The following CCDC85C variants were observed in gnomAD, a reference collection of about 807,000 sequenced individuals.
CCDC85C encodes coiled-coil domain containing 85C, also known as coiled-coil domain-containing protein 85C.
In CCDC85C, 18 loss-of-function variants were observed where a neutral mutation model predicts 38.3. That is an observed-to-expected ratio of 0.47 (90% confidence interval 0.33 to 0.70). The LOEUF (loss-of-function observed/expected upper bound fraction) is 0.70. Ranked by LOEUF, CCDC85C falls within the 30% of genes least tolerant of loss-of-function variation. The pLI is 0.03. For missense variants in CCDC85C, 566 were observed against 621.2 expected (o/e 0.91, Z 0.94); for synonymous variants, 264 against 293.8 (o/e 0.90, Z 1.04).
intron 1 of CCDC85C, among the ~76,000 whole-genome samples, chr14:99,575,488 CA>C (rs1898455299): frequency 6.6e-6 from 1 of 152,222 alleles, no homozygotes; most frequent in South Asian, 2.1e-4. Flanking sequence ...AAAACTCTCT[CA>C]AGAGCTCAAA....
At chr14:99,522,494 G>C in intron 2 of CCDC85C, 1 of 343,098 alleles carries the variant, frequency 2.9e-6, no homozygotes, top group Non-Finnish European at 5.4e-6. Context: ...TGAATAAACA[G>C]AATGAATGAA....
chr14:99,532,928 C>T (rs561630939), intron 2 of CCDC85C, among the ~76,000 whole-genome samples: 17 of 152,120 alleles, frequency 1.1e-4, no homozygotes, highest in Admixed American at 7.2e-4. Flanking sequence ...ATTACAGGCA[C>T]GTGCCACCCT....
In CCDC85C at chr14:99,552,759, T is replaced by G. The variant is rs900139273; in HGVS notation, c.794-16671A>C. Reference sequence around the variant, plus strand: ...TTTCACCCAGTAAGTGCAGCTGGAATCATCGCCCTTTGGACCCAAGGTTCT... The same window carrying G: ...TTTCACCCAGTAAGTGCAGCTGGAAGCATCGCCCTTTGGACCCAAGGTTCT... On this transcript the variant is annotated intron_variant, in intron 1 of 5. Transcript: ENST00000380243. Among the ~76,000 whole-genome samples the G allele has an allele frequency of 3.3e-5, 5 of 152,362 alleles. No individual in the cohort carries two copies. In the South Asian group the frequency reaches 1.0e-3, roughly 32 times the overall value.
intron 1 of CCDC85C, among the ~76,000 whole-genome samples, chr14:99,543,321 C>T (rs1048372911): frequency 6.6e-6 from 1 of 152,158 alleles, no homozygotes; most frequent in Non-Finnish European, 1.5e-5. Context: ...CAGAGTAGCC[C>T]AAGGTCACAA....
At position 99,510,211 on chromosome 14, in the gene CCDC85C, T is replaced by A. The variant is rs1196940660; in HGVS notation, c.*5035A>T. The stretch of plus-strand genomic sequence containing the variant: ...GGTGAGGCTGAGCCGCCGGGCCCTG[T>A]GGATGCCACTGACCTCCCCAAAGTC... On this transcript the variant is annotated 3_prime_UTR_variant, in exon 6 of 6. Transcript: ENST00000380243. The A allele has an allele frequency of 6.3e-7, 1 of 1,597,212 alleles. No individual in the cohort carries two copies.
intron 1 of CCDC85C, among the ~76,000 whole-genome samples, chr14:99,538,598 T>C (rs1032714786): frequency 2.6e-5 from 4 of 151,968 alleles, no homozygotes; most frequent in African/African-American, 7.3e-5. Flanking sequence ...CCCACCCGCC[T>C]CCCCCTGCTG....
intron 3 of CCDC85C, among the ~76,000 whole-genome samples, chr14:99,521,122 CTGAA>C (rs948615669): frequency 1.3e-5 from 2 of 152,230 alleles, no homozygotes; most frequent in African/African-American, 4.8e-5. Context: ...CTCCCACGAT[CTGAA>C]TGAATGAGAG....
At chr14:99,551,631 G>A (rs1897911100) in intron 1 of CCDC85C, among the ~76,000 whole-genome samples, 1 of 150,436 alleles carries the variant, frequency 6.6e-6, no homozygotes, top group South Asian at 2.1e-4. Context: ...TGAGTGTGCA[G>A]GTGGGTGAGA....
chr14:99,523,594 G>A (rs937939188), intron 2 of CCDC85C, among the ~76,000 whole-genome samples: 10 of 152,312 alleles, frequency 6.6e-5, no homozygotes, highest in South Asian at 2.1e-4. Context: ...CCCACCAGAC[G>A]CCGGTCAGCC....
In CCDC85C at chr14:99,509,023, A is replaced by C. The variant is rs1897045620; in HGVS notation, c.*6223T>G. The C allele has an allele frequency of 1.3e-5, 2 of 152,298 alleles. No individual in the cohort carries two copies. The highest frequency in any genetic ancestry group is 4.1e-4 in the South Asian group (2 of 4,830). The allele number at this position is 152,298 out of a possible 1,614,324, so 9.4% of individuals were successfully genotyped here. A position where few individuals can be genotyped will look rare whatever the true frequency, so the allele number is the denominator to read the frequency against. ...TACCCGGTAGGCTGGCGGGGTGCTG[A>C]TGTGGCACACCAGTGGCACACCTGT... On this transcript the variant is annotated 3_prime_UTR_variant, in exon 6 of 6. Transcript: ENST00000380243.
At chr14:99,573,014 CGCCACACATA>C (rs1898388238) in intron 1 of CCDC85C, 1 of 360,570 alleles carries the variant, frequency 2.8e-6, no homozygotes, top group African/African-American at 2.1e-5. Context: ...CCGCAGGAGA[CGCCACACATA>C]AAGGCAGAGA....
At position 99,504,954 on chromosome 14, in the gene CCDC85C, G is replaced by GTA. The variant is rs1406425947; in HGVS notation, c.*10290_*10291dup. On this transcript the variant is annotated 3_prime_UTR_variant, in exon 6 of 6. Coordinates refer to ENST00000380243, the MANE Select transcript of CCDC85C (RefSeq NM_001144995.2). ...GGGAGGATGGAGCAATAAGTTGGAA[G>GTA]TACGCAAGTGAGCAAAGGAATTGAG... is the stretch of plus-strand genomic sequence containing the variant. 2.6e-5 allele frequency: 4 copies of GTA among 152,334 alleles called. No individual in the cohort carries two copies. 9.4% of individuals were successfully genotyped at this position (152,334 alleles called of 1,614,324 possible).
chr14:99,547,832 A>G (rs931438520), intron 1 of CCDC85C, among the ~76,000 whole-genome samples: 1 of 151,974 alleles, frequency 6.6e-6, no homozygotes, highest in Non-Finnish European at 1.5e-5. Flanking sequence ...TTATGGGTAT[A>G]TGTGTGTGTG....
At position 99,533,689 on chromosome 14, in the gene CCDC85C, G is replaced by A. The variant is rs1466026060; in HGVS notation, c.867+2326C>T. Among the ~76,000 whole-genome samples, 1 of 152,220 alleles carries A rather than the reference G, an allele frequency of 6.6e-6. No homozygotes were observed. The highest frequency in any genetic ancestry group is 1.5e-5 in the Non-Finnish European group (1 of 68,030). On this transcript the variant is annotated intron_variant, in intron 2 of 5. Transcript: ENST00000380243. The surrounding 1 kb of genome is among the most constrained non-coding windows in gnomAD (Gnocchi z 4.2). ...CCCTGCTGCTACCCCCAGGGAGCTG[G>A]TGGGAGCAGGCCTGGGGAGGAAGAG...
chr14:99,584,529 G>A (rs78556368), intron 1 of CCDC85C, among the ~76,000 whole-genome samples: 10,384 of 152,196 alleles, frequency 0.068, 557 homozygotes, highest in South Asian at 0.15. Flanking sequence ...TTGCTCCCCA[G>A]GCCTGGTGGG....
Position 99,504,082 on chromosome 14 carries a change from C to A in CCDC85C, c.*11164G>T. Reference sequence around the variant, plus strand: ...AGCCCAGCTGCCCTTGCAGGCAAGGCCTCTTTGAAACACACTTGGGTTGAG... The same window carrying A: ...AGCCCAGCTGCCCTTGCAGGCAAGGACTCTTTGAAACACACTTGGGTTGAG... On this transcript the variant is annotated 3_prime_UTR_variant, in exon 6 of 6. Transcript: ENST00000380243. 2.6e-6 allele frequency: 1 copy of A among 386,582 alleles called. No homozygotes were observed. 23.9% of individuals were successfully genotyped at this position (386,582 alleles called of 1,614,324 possible).
intron 1 of CCDC85C, among the ~76,000 whole-genome samples, chr14:99,567,510 G>A (rs1017897754): frequency 5.3e-5 from 8 of 152,160 alleles, no homozygotes; most frequent in Admixed American, 2.6e-4. Flanking sequence ...GCCAAGGTGC[G>A]GCAGATAAAA....
At position 99,511,058 on chromosome 14, in the gene CCDC85C, A is replaced by G. The variant is rs1251486987; in HGVS notation, c.*4188T>C. Reference sequence around the variant, plus strand: ...AGAGTCCTGCACTGGGTTACTTTATACTAGTGAGGACGTTAACCAGCCATA... The same window carrying G: ...AGAGTCCTGCACTGGGTTACTTTATGCTAGTGAGGACGTTAACCAGCCATA... On this transcript the variant is annotated 3_prime_UTR_variant, in exon 6 of 6. Transcript: ENST00000380243. 1.0e-5 allele frequency: 3 copies of G among 293,214 alleles called. No individual in the cohort carries two copies. Among genetic ancestry groups the G allele is most frequent in the South Asian group, 1.6e-4 (1 of 6,092 alleles). The allele number at this position is 293,214 out of a possible 1,614,324, so 18.2% of individuals were successfully genotyped here. A position where few individuals can be genotyped will look rare whatever the true frequency, so the allele number is the denominator to read the frequency against.
Position 99,507,637 on chromosome 14 carries a change from T to C in CCDC85C, c.*7609A>G, listed in dbSNP as rs148284100. 115 of 156,916 alleles carry C rather than the reference T, an allele frequency of 7.3e-4. 2 individuals carry two copies. In the East Asian group the frequency reaches 0.021, roughly 29 times the overall value. The allele number at this position is 156,916 out of a possible 1,614,324, so 9.7% of individuals were successfully genotyped here. A position where few individuals can be genotyped will look rare whatever the true frequency, so the allele number is the denominator to read the frequency against. On this transcript the variant is annotated 3_prime_UTR_variant, in exon 6 of 6. Transcript: ENST00000380243. ...GTATATCTGAATATTTTCCGACCTC[T>C]CACATCCAGAAATGCTAAACTACAC...
Sources: gnomAD v4.1 joint callset for allele counts (sites outside exome capture counted in the v4.1 genomes callset) on GRCh38, gnomAD v4.1.1 for gene constraint, Gnocchi (gnomAD v3.1) non-coding constraint, MANE v1.5 for transcripts, NCBI Gene and HGNC (gene_info 2026-07-23, HGNC 2026-07-21) for gene names.